PCDHGB1: variants seen among roughly 807,000 people sequenced by gnomAD.
PCDHGB1 encodes the protein protocadherin gamma subfamily B, 1.
PCDHGB1 carries 34 observed loss-of-function variants against 56.6 expected under a neutral mutation model. That is an observed-to-expected ratio of 0.60 (90% confidence interval 0.46 to 0.80). The LOEUF (loss-of-function observed/expected upper bound fraction) is 0.80, where lower values mean the gene tolerates loss of function less well. PCDHGB1 is among the 30% of genes least tolerant of loss of function. PCDHGB1 has a pLI of 0.00. For missense variants in PCDHGB1, 1,278 were observed against 1,204.6 expected (o/e 1.06, Z -0.90); for synonymous variants, 561 against 505.9 (o/e 1.11, Z -1.46).
intron 1 of PCDHGB1, chr5:141,361,644 C>T (rs1762109660): frequency 6.2e-7 from 1 of 1,613,846 alleles, no homozygotes; most frequent in Non-Finnish European, 8.5e-7. Context: ...AGATTTTATC[C>T]TACGTGTCCG....
Position 141,368,188 on chromosome 5 carries a change from G to A in PCDHGB1, c.2409+15519G>A, listed in dbSNP as rs528865842. Among the ~76,000 whole-genome samples the A allele has an allele frequency of 2.2e-4, 33 of 152,098 alleles. 1 individual carries two copies. In the South Asian group the frequency reaches 5.6e-3, roughly 26 times the overall value. Reference sequence around the variant, plus strand: ...CAGCTTCAAATAATGACTAAATAAGGGGAAAAGGTAATAAAATATTACAAA... The same window carrying A: ...CAGCTTCAAATAATGACTAAATAAGAGGAAAAGGTAATAAAATATTACAAA... On this transcript the variant is annotated intron_variant, in intron 1 of 3. Coordinates refer to ENST00000523390, the MANE Select transcript of PCDHGB1 (RefSeq NM_018922.3).
chr5:141,351,145 C>A lies in PCDHGB1; in HGVS notation c.885C>A (p.Gly295=). 1 of 1,613,972 alleles carries A rather than the reference C, an allele frequency of 6.2e-7. No individual in the cohort carries two copies. The change falls in exon 1 of 4, where the codon GGC becomes GGA. Residue 295 remains glycine (G), a synonymous_variant. Coordinates refer to ENST00000523390, the MANE Select transcript of PCDHGB1 (RefSeq NM_018922.3). ...TCTTCAATCTCAATCCAAATACTGG[C>A]GACATCACAACCAATGGCACATTGG... ...TSLFNLNPNT[G]DITTNGTLDF...
In PCDHGB1 at chr5:141,432,645, C is replaced by A. The variant is rs758701539; in HGVS notation, c.2410-62162C>A. ...CTGCACACGGGCGAGGTGCGCACGG[C>A]GCGAGCCCTGCTGGACAGAGACGCG... On this transcript the variant is annotated intron_variant, in intron 1 of 3. Coordinates refer to ENST00000523390, the MANE Select transcript of PCDHGB1 (RefSeq NM_018922.3). This position sits in a 1 kb window ranked among gnomAD's most constrained non-coding sequence, Gnocchi z 6.0. The A allele has an allele frequency of 1.2e-5, 20 of 1,613,628 alleles. No individual in the cohort carries two copies. The highest frequency in any genetic ancestry group is 1.6e-4 in the Middle Eastern group (1 of 6,066).
intron 1 of PCDHGB1, chr5:141,383,002 G>C (rs376825891): frequency 1.2e-6 from 2 of 1,613,768 alleles, no homozygotes; most frequent in African/African-American, 1.3e-5. Context: ...TCTCTACTCC[G>C]TGTCGGAGGA....
chr5:141,362,642 T>A, intron 1 of PCDHGB1: 1 of 1,462,416 alleles, frequency 6.8e-7, no homozygotes, highest in African/African-American at 1.4e-5. Context: ...TTTCTTTGTC[T>A]GTGAGTTAGA....
At chr5:141,366,150 G>A in intron 1 of PCDHGB1, 2 of 1,614,136 alleles carry the variant, frequency 1.2e-6, no homozygotes, top group Non-Finnish European at 1.7e-6. Flanking sequence ...CTGTCCTACC[G>A]CCTGCTTAAG....
In PCDHGB1 at chr5:141,399,103, C is replaced by G. The variant is rs376000100; in HGVS notation, c.2409+46434C>G. The G allele has an allele frequency of 1.6e-5, 26 of 1,613,722 alleles. No homozygotes were observed. The South Asian group carries it at 2.9e-4, about 18-fold the overall frequency. On this transcript the variant is annotated intron_variant, in intron 1 of 3. Transcript: ENST00000523390. ...GAGGGATGGTGGTGGACTGGTTGCA[C>G]AATGTACAGTTGAAATTAATATTCA... is the stretch of plus-strand genomic sequence containing the variant.
chr5:141,462,007 G>C (rs2099028604), intron 1 of PCDHGB1, among the ~76,000 whole-genome samples: 1 of 152,188 alleles, frequency 6.6e-6, no homozygotes, highest in South Asian at 2.1e-4. Context: ...ATTTTTAATA[G>C]AGACGGGGTT....
At chr5:141,422,862 C>T in intron 1 of PCDHGB1, 1 of 1,614,270 alleles carries the variant, frequency 6.2e-7, no homozygotes, top group Non-Finnish European at 8.5e-7. Flanking sequence ...CCCTCAGCAG[C>T]AACGTGTCGC....
At chr5:141,496,948 G>A (rs2099772844) in intron 2 of PCDHGB1, among the ~76,000 whole-genome samples, 1 of 151,826 alleles carries the variant, frequency 6.6e-6, no homozygotes, top group Admixed American at 6.6e-5. Context: ...CACTTTGGGA[G>A]GCCAAGGTGG....
Position 141,490,920 on chromosome 5 carries a change from T to A in PCDHGB1, c.2410-3887T>A. 1.2e-6 allele frequency: 2 copies of A among 1,613,638 alleles called. No homozygotes were observed. The highest frequency in any genetic ancestry group is 1.7e-6 in the Non-Finnish European group (2 of 1,179,684). The stretch of plus-strand genomic sequence containing the variant: ...TGTTTGTCCTAGACGAGAATGATAA[T>A]GCCCCAGCTGTGCTGCACCCACGGC... On this transcript the variant is annotated intron_variant, in intron 1 of 3. Coordinates refer to ENST00000523390, the MANE Select transcript of PCDHGB1 (RefSeq NM_018922.3). This position sits in a 1 kb window ranked among gnomAD's most constrained non-coding sequence, Gnocchi z 5.4.
chr5:141,445,129 A>G (rs1405841381), intron 1 of PCDHGB1, among the ~76,000 whole-genome samples: 3 of 152,226 alleles, frequency 2.0e-5, no homozygotes, highest in Non-Finnish European at 4.4e-5. Context: ...TATTTTTAAA[A>G]TTGTATCTTC....
chr5:141,364,168 ACTCTGCTCCCT>A, intron 1 of PCDHGB1: 1 of 748,396 alleles, frequency 1.3e-6, no homozygotes, highest in Non-Finnish European at 2.0e-6. Flanking sequence ...AGGCGACCCG[ACTCTGCTCCCT>A]CCATACTAAA....
rs1762963941 is a variant in PCDHGB1, at chr5:141,363,537, C to T, written c.2409+10868C>T. 2.0e-5 allele frequency among the ~76,000 whole-genome samples: 3 copies of T among 152,150 alleles called. No homozygotes were observed. The South Asian group carries it at 6.2e-4, about 32-fold the overall frequency. On this transcript the variant is annotated intron_variant, in intron 1 of 3. Coordinates refer to ENST00000523390, the MANE Select transcript of PCDHGB1 (RefSeq NM_018922.3). ...GTTACTATACTGGTTGTCACTGGAA[C>T]TACAAATATTTGAACATGGTAATAG...
intron 1 of PCDHGB1, chr5:141,427,328 T>G (rs951396612): frequency 1.6e-4 from 74 of 457,122 alleles, no homozygotes; most frequent in Admixed American, 1.2e-3. Context: ...TGGTTTTTAC[T>G]TCAGTGTCCA....
chr5:141,360,782 A>T, intron 1 of PCDHGB1: 1 of 1,613,948 alleles, frequency 6.2e-7, no homozygotes, highest in East Asian at 2.2e-5. Context: ...ACAGCTGTGG[A>T]TGGCGGAGAC....
intron 1 of PCDHGB1, chr5:141,357,517 C>G: frequency 2.5e-6 from 4 of 1,614,246 alleles, no homozygotes; most frequent in Non-Finnish European, 3.4e-6. Context: ...CTTCTCCCAA[C>G]CCAGCTATGC....
intron 1 of PCDHGB1, chr5:141,403,552 G>A (rs1228068556): frequency 1.2e-6 from 2 of 1,613,892 alleles, no homozygotes; most frequent in African/African-American, 1.3e-5. Flanking sequence ...AGCGCGCCCT[G>A]GACAGGGAGG....
chr5:141,366,040 C>G (rs752624619), intron 1 of PCDHGB1: 1 of 1,614,264 alleles, frequency 6.2e-7, no homozygotes, highest in Non-Finnish European at 8.5e-7. Context: ...TCCCCACAGA[C>G]GGTTCCACGG....
Sources: gnomAD v4.1 joint callset for allele counts (sites outside exome capture counted in the v4.1 genomes callset) on GRCh38, gnomAD v4.1.1 for gene constraint, Gnocchi (gnomAD v3.1) non-coding constraint, MANE v1.5 for transcripts, NCBI Gene and HGNC (gene_info 2026-07-23, HGNC 2026-07-21) for gene names.